Variants in KIAA1671 observed in about 807,000 individuals in gnomAD.
The protein encoded by KIAA1671 is uncharacterized protein KIAA1671.
A neutral mutation model predicts 131.2 loss-of-function variants in KIAA1671; 52 were observed. The ratio of observed to expected loss-of-function variants is 0.40; its 90% confidence interval spans 0.32 to 0.50. The LOEUF is 0.50. KIAA1671 is among the 20% of genes least tolerant of loss of function. KIAA1671 has a pLI of 0.73. For synonymous variants in KIAA1671, 1,003 were observed against 961.6 expected (o/e 1.04, Z -0.80); for missense variants, 2,360 against 2,364.2 (o/e 1.00, Z 0.04).
At chr22:25,121,308 A>G (rs1049711590) in intron 6 of KIAA1671, among the ~76,000 whole-genome samples, 2 of 151,952 alleles carry the variant, frequency 1.3e-5, no homozygotes, top group African/African-American at 4.8e-5. Flanking sequence ...TAAAAATACA[A>G]AAAATTAGCT....
At chr22:24,969,974 A>T (rs1007177281) in intron 1 of KIAA1671, among the ~76,000 whole-genome samples, 2 of 152,240 alleles carry the variant, frequency 1.3e-5, no homozygotes, top group East Asian at 1.9e-4. Flanking sequence ...CGCCAGGCAC[A>T]GCCGAGGTGG....
chr22:25,086,600 G>C (rs959619778), intron 6 of KIAA1671, among the ~76,000 whole-genome samples: 18 of 152,166 alleles, frequency 1.2e-4, no homozygotes, highest in Admixed American at 1.2e-3. Context: ...AATTGAGAAG[G>C]GAAGCCCAGC....
At position 25,040,007 on chromosome 22, in the gene KIAA1671, T is replaced by C; in HGVS notation, c.2877T>C (p.Asp959=). The change falls in exon 5 of 13, where the codon GAT becomes GAC. Residue 959 remains aspartate, a synonymous_variant. Coordinates refer to ENST00000358431, the MANE Select transcript of KIAA1671 (RefSeq NM_001145206.2). ...RRTLPPNVKF[D]TFSSLVPEDS... is the part of the protein sequence containing the mutation. ...CTTTACCCCCCAACGTGAAATTTGATACATTCAGTTCTCTTGTCCCAGAGG... is the reference window on the plus strand; with the variant it reads ...CTTTACCCCCCAACGTGAAATTTGACACATTCAGTTCTCTTGTCCCAGAGG... The C allele has an allele frequency of 6.4e-7, 1 of 1,551,462 alleles. No individual in the cohort carries two copies. Among genetic ancestry groups the C allele is most frequent in the South Asian group, 1.2e-5 (1 of 84,056 alleles).
intron 1 of KIAA1671, among the ~76,000 whole-genome samples, chr22:24,979,093 T>C (rs978079143): frequency 6.6e-6 from 1 of 151,600 alleles, no homozygotes; most frequent in Non-Finnish European, 1.5e-5. Context: ...CCTCCAAGGT[T>C]CAAGCGATTC....
chr22:25,174,485 T>C lies in KIAA1671; in HGVS notation c.4895T>C (p.Ile1632Thr). 6.6e-7 allele frequency: 1 copy of C among 1,516,422 alleles called. No homozygotes were observed. Among genetic ancestry groups the C allele is most frequent in the Non-Finnish European group, 8.9e-7 (1 of 1,126,846 alleles). 93.9% of individuals were successfully genotyped at this position (1,516,422 alleles called of 1,614,324 possible). ...AAGAGAGTAGATGACTTCTCCTTCA[T>C]TGATGTAAGTCAGTGGCCAGGAGCA... ...PEKRVDDFSF[I>T]DQTSVLDSSA... The change falls in exon 8 of 13, where the codon ATT (isoleucine) becomes ACT (threonine). Residue 1632 changes from isoleucine (I) to threonine (T), a missense_variant. Ile to Thr is a moderately conservative substitution (Grantham distance 89). Coordinates refer to ENST00000358431, the MANE Select transcript of KIAA1671 (RefSeq NM_001145206.2).
At chr22:25,105,829 G>T (rs199759975) in intron 6 of KIAA1671, among the ~76,000 whole-genome samples, 2,744 of 151,660 alleles carry the variant, frequency 0.018, 48 homozygotes, top group East Asian at 0.078. Flanking sequence ...TGGGGGGGGG[G>T]GGTGCCAAAC....
At chr22:25,146,192 T>C (rs1194274600) in intron 6 of KIAA1671, among the ~76,000 whole-genome samples, 1 of 152,210 alleles carries the variant, frequency 6.6e-6, no homozygotes, top group Non-Finnish European at 1.5e-5. Flanking sequence ...TAGTCATGGC[T>C]ACCATGTATG....
chr22:25,144,915 C>T (rs920880712), intron 6 of KIAA1671, among the ~76,000 whole-genome samples: 9 of 152,182 alleles, frequency 5.9e-5, no homozygotes, highest in African/African-American at 2.2e-4. Context: ...TGTTTCCATG[C>T]AAGAACAAAG....
intron 2 of KIAA1671, among the ~76,000 whole-genome samples, chr22:25,026,666 G>A (rs1349792352): frequency 2.6e-5 from 4 of 152,060 alleles, no homozygotes; most frequent in African/African-American, 9.7e-5. Flanking sequence ...GGAGGCAGAA[G>A]TTGCTGTGAG....
At position 25,196,308 on chromosome 22, in the gene KIAA1671, T is replaced by G. The variant is rs1934826132; in HGVS notation, c.*3907T>G. On this transcript the variant is annotated 3_prime_UTR_variant, in exon 13 of 13. Transcript: ENST00000358431. ...CCCCTTTGGCCTTCCCAGAATCTCC[T>G]TCAGTGGTTGCTCTCACACCTGTGC... 1 of 152,156 alleles carries G rather than the reference T, an allele frequency of 6.6e-6. No individual in the cohort carries two copies. The highest frequency in any genetic ancestry group is 6.5e-5 in the Admixed American group (1 of 15,274). The allele number at this position is 152,156 out of a possible 1,614,324, so 9.4% of individuals were successfully genotyped here. A position where few individuals can be genotyped will look rare whatever the true frequency, so the allele number is the denominator to read the frequency against.
At chr22:25,072,656 C>T (rs990663469) in intron 6 of KIAA1671, among the ~76,000 whole-genome samples, 4 of 152,126 alleles carry the variant, frequency 2.6e-5, no homozygotes, top group Admixed American at 1.3e-4. Flanking sequence ...GAGGAAGCCC[C>T]GTGGCCTTGG....
chr22:25,032,944 G>T (rs895738737), intron 4 of KIAA1671, among the ~76,000 whole-genome samples: 4 of 152,186 alleles, frequency 2.6e-5, no homozygotes, highest in Admixed American at 2.0e-4. Flanking sequence ...TCGCAAAGAG[G>T]CAGAGGGGCA....
At chr22:24,999,404 A>G (rs567207428) in intron 1 of KIAA1671, among the ~76,000 whole-genome samples, 2 of 151,950 alleles carry the variant, frequency 1.3e-5, no homozygotes, top group East Asian at 3.9e-4. Flanking sequence ...CTAACTTTTC[A>G]ATTTTTTGCA....
chr22:24,970,665 T>C (rs1273218135), intron 1 of KIAA1671, among the ~76,000 whole-genome samples: 2 of 147,476 alleles, frequency 1.4e-5, no homozygotes, highest in African/African-American at 5.1e-5. Context: ...TGGGCCACAC[T>C]GGAAGAAGAA....
chr22:25,047,050 G>A (rs532910567), intron 5 of KIAA1671, among the ~76,000 whole-genome samples: 35 of 150,696 alleles, frequency 2.3e-4, no homozygotes, highest in African/African-American at 7.8e-4. Flanking sequence ...GGCTCACTGC[G>A]GCCTCAACCT....
chr22:25,166,050 T>C (rs539852944), intron 6 of KIAA1671, among the ~76,000 whole-genome samples: 25 of 152,160 alleles, frequency 1.6e-4, no homozygotes, highest in Non-Finnish European at 3.4e-4. Context: ...AGGGACCTAT[T>C]CAGTTTTGGA....
intron 8 of KIAA1671, chr22:25,176,430 A>G (rs1934030344): frequency 6.6e-6 from 1 of 152,234 alleles, no homozygotes; most frequent in Non-Finnish European, 1.5e-5. Flanking sequence ...AGCTTGCCGG[A>G]AAGAGCTCTT....
intron 6 of KIAA1671, among the ~76,000 whole-genome samples, chr22:25,148,262 ACAGTCCCAGCCCTCCCT>A (rs1164105053): frequency 2.9e-4 from 11 of 37,608 alleles, no homozygotes; most frequent in Middle Eastern, 0.011. Context: ...CAGCCCTCCC[ACAGTCCCAGCCCTCCCT>A]CAGTCCCAGC....
intron 6 of KIAA1671, among the ~76,000 whole-genome samples, chr22:25,168,679 T>G: frequency 6.7e-6 from 1 of 148,150 alleles, no homozygotes; most frequent in South Asian, 2.2e-4. Flanking sequence ...GGAGACAGGG[T>G]GGGACTCCAT....
Sources: gnomAD v4.1 joint callset for allele counts (sites outside exome capture counted in the v4.1 genomes callset) on GRCh38, gnomAD v4.1.1 for gene constraint, MANE v1.5 for transcripts, NCBI Gene and HGNC (gene_info 2026-07-23, HGNC 2026-07-21) for gene names.